The following RNF121 variants were observed in gnomAD, a reference collection of about 807,000 sequenced individuals.
The protein encoded by RNF121 is E3 ubiquitin ligase RNF121.
A neutral mutation model predicts 46.5 loss-of-function variants in RNF121; 21 were observed. That is an observed-to-expected ratio of 0.45 (90% CI 0.32 to 0.65). The LOEUF (loss-of-function observed/expected upper bound fraction) is 0.65, where lower values mean the gene tolerates loss of function less well. Ranked by LOEUF, RNF121 falls within the 30% of genes least tolerant of loss-of-function variation. RNF121 has a pLI of 0.04. For missense variants in RNF121, 346 were observed against 416.0 expected (o/e 0.83, Z 1.46); for synonymous variants, 139 against 144.7 (o/e 0.96, Z 0.28).
At chr11:71,967,452 C>T (rs773725769) in intron 3 of RNF121, among the ~76,000 whole-genome samples, 43 of 145,386 alleles carry the variant, frequency 3.0e-4, no homozygotes, top group Admixed American at 1.1e-3. Context: ...TGGGTTCAAG[C>T]GATTCTTCTG....
intron 1 of RNF121, among the ~76,000 whole-genome samples, chr11:71,951,263 T>C (rs1953871861): frequency 1.3e-5 from 2 of 152,010 alleles, no homozygotes; most frequent in South Asian, 2.1e-4. Context: ...TCTCATTTTA[T>C]AAATGAGGAA....
chr11:71,993,306 ACTGT>A (rs1816986332), intron 6 of RNF121, among the ~76,000 whole-genome samples: 1 of 152,166 alleles, frequency 6.6e-6, no homozygotes, highest in Admixed American at 6.5e-5. Context: ...CAACATTTTC[ACTGT>A]CTAATTCCAA....
intron 1 of RNF121, 54 bp from the exon 2 acceptor site, chr11:71,957,171 TTG>T: frequency 4.5e-6 from 5 of 1,116,946 alleles, no homozygotes; most frequent in Non-Finnish European, 6.9e-6. Flanking sequence ...GCACCTTATA[TTG>T]GCAGGGACAG....
At chr11:71,986,973 C>G in intron 4 of RNF121, 31 bp from the exon 5 acceptor site, 1 of 1,261,486 alleles carries the variant, frequency 7.9e-7, no homozygotes, top group Non-Finnish European at 1.2e-6. Flanking sequence ...ATCTCTGTGT[C>G]AGCTGCACTA....
At chr11:71,969,445 A>T (rs1954371538) in intron 3 of RNF121, among the ~76,000 whole-genome samples, 2 of 152,234 alleles carry the variant, frequency 1.3e-5, no homozygotes, top group African/African-American at 4.8e-5. Context: ...ATAAGTTGAC[A>T]CTTTTTATAG....
rs1954973155 is a variant in RNF121, at chr11:71,996,182, AAC to A, written c.864-8_864-7del. 3 of 1,613,844 alleles carry A rather than the reference AAC, an allele frequency of 1.9e-6. No individual in the cohort carries two copies. The East Asian group carries it at 6.7e-5, about 36-fold the overall frequency. On this transcript the variant is annotated splice_polypyrimidine_tract_variant and intron_variant, in intron 8 of 8. Transcript: ENST00000361756. ...CTCTTGCACAGAGTCTCTTTTCTTT[AAC>A]ACACTGACAGCTGGGAGAGGCCTCA...
chr11:71,942,963 C>T (rs1953619820), intron 1 of RNF121, among the ~76,000 whole-genome samples: 1 of 152,068 alleles, frequency 6.6e-6, no homozygotes, highest in Non-Finnish European at 1.5e-5. Flanking sequence ...AGAAGGGACA[C>T]ACAGCCTCCC....
chr11:71,940,255 C>G (rs1289095827), intron 1 of RNF121, among the ~76,000 whole-genome samples: 1 of 152,142 alleles, frequency 6.6e-6, no homozygotes, highest in Non-Finnish European at 1.5e-5. Flanking sequence ...AATTTACAGT[C>G]TAGTTAGAAA....
chr11:71,972,290 T>A (rs1954437419), intron 3 of RNF121, among the ~76,000 whole-genome samples: 1 of 152,192 alleles, frequency 6.6e-6, no homozygotes, highest in African/African-American at 2.4e-5. Flanking sequence ...CCGGAGAATG[T>A]TGTGTAAAGG....
intron 1 of RNF121, among the ~76,000 whole-genome samples, chr11:71,949,175 T>A (rs998018770): frequency 2.0e-5 from 3 of 152,142 alleles, no homozygotes; most frequent in Non-Finnish European, 4.4e-5. Flanking sequence ...CCTAGCACTT[T>A]GGCAGGCTGG....
At chr11:71,970,953 T>C (rs766496157) in intron 3 of RNF121, among the ~76,000 whole-genome samples, 25 of 152,314 alleles carry the variant, frequency 1.6e-4, no homozygotes, top group South Asian at 1.4e-3. Context: ...AGGTATTCAT[T>C]GTTAAGTAGA....
chr11:71,976,328 T>A (rs75133815), intron 3 of RNF121, among the ~76,000 whole-genome samples: 3,671 of 137,468 alleles, frequency 0.027, 145 homozygotes, highest in African/African-American at 0.092. Flanking sequence ...TGCTGCCCCC[T>A]CCATTCTGGG....
intron 1 of RNF121, among the ~76,000 whole-genome samples, chr11:71,948,172 A>G (rs1027137184): frequency 6.6e-6 from 1 of 152,222 alleles, no homozygotes; most frequent in East Asian, 1.9e-4. Flanking sequence ...TAGCAATTGA[A>G]GAACCAAAGA....
At chr11:71,972,282 G>A (rs1398522928) in intron 3 of RNF121, among the ~76,000 whole-genome samples, 11 of 152,290 alleles carry the variant, frequency 7.2e-5, no homozygotes, top group South Asian at 6.2e-4. Flanking sequence ...AAGACTCCCC[G>A]GAGAATGTTG....
chr11:71,950,393 G>C (rs997014620), intron 1 of RNF121, among the ~76,000 whole-genome samples: 4 of 151,996 alleles, frequency 2.6e-5, no homozygotes, highest in African/African-American at 7.2e-5. Context: ...AGACTGGCCT[G>C]GCCAACATGA....
intron 5 of RNF121, among the ~76,000 whole-genome samples, chr11:71,987,545 C>G (rs1237522921): frequency 1.3e-5 from 2 of 152,194 alleles, no homozygotes. Context: ...CAAATCAGCC[C>G]ACAACCTGTT....
In RNF121 at chr11:71,994,836, C is replaced by T. The variant is rs147613491; in HGVS notation, c.745C>T (p.Leu249=). Residue 249 remains leucine (L), a synonymous_variant, in exon 7 of 9, where the codon CTG becomes TTG. Coordinates refer to ENST00000361756, the MANE Select transcript of RNF121 (RefSeq NM_018320.5). ...EEGIIENTYR[L]SCNHVFHEFC... ...GGGGATCATTGAGAACACGTATAGG[C>T]TGTCCTGCAATCATGTGTATCCTGC... 196 of 1,614,180 alleles carry T rather than the reference C, an allele frequency of 1.2e-4. No homozygotes were observed. In the African/African-American group the frequency reaches 2.5e-3, roughly 21 times the overall value.
At chr11:71,961,998 C>T (rs951556130) in intron 3 of RNF121, among the ~76,000 whole-genome samples, 5 of 131,674 alleles carry the variant, frequency 3.8e-5, no homozygotes, top group African/African-American at 5.8e-5. Context: ...GACAGAGTCT[C>T]GCTGTGTCGC....
Position 71,996,447 on chromosome 11 carries a change from T to G in RNF121, c.*132T>G. 2 of 1,028,638 alleles carry G rather than the reference T, an allele frequency of 1.9e-6. No homozygotes were observed. The highest frequency in any genetic ancestry group is 2.8e-6 in the Non-Finnish European group (2 of 720,900). 63.7% of individuals were successfully genotyped at this position (1,028,638 alleles called of 1,614,324 possible). On this transcript the variant is annotated 3_prime_UTR_variant, in exon 9 of 9. Coordinates refer to ENST00000361756, the MANE Select transcript of RNF121 (RefSeq NM_018320.5). ...TTGGGCCACTCAGGACCCCTCTGGCTGTGTCGGACTGGGGAGGGATATGAT... is the reference window on the plus strand; with the variant it reads ...TTGGGCCACTCAGGACCCCTCTGGCGGTGTCGGACTGGGGAGGGATATGAT...
Sources: allele counts gnomAD v4.1 joint callset (sites outside exome capture counted in the v4.1 genomes callset), GRCh38; gene constraint gnomAD v4.1.1; transcripts MANE v1.5; gene names NCBI Gene and HGNC (gene_info 2026-07-23, HGNC 2026-07-21).